ZFP1: variants seen among roughly 807,000 people sequenced by gnomAD.
ZFP1 encodes zinc finger protein 1 homolog.
In ZFP1, 32 loss-of-function variants were observed where a neutral mutation model predicts 38.5. The ratio of observed to expected loss-of-function variants is 0.83; its 90% CI spans 0.63 to 1.12. The LOEUF (loss-of-function observed/expected upper bound fraction) is 1.12. ZFP1 is among the 50% of genes most tolerant of loss of function. The pLI, the probability that ZFP1 is intolerant of heterozygous loss-of-function variation, is 0.00. For missense variants in ZFP1, 616 were observed against 480.8 expected, an observed-to-expected ratio of 1.28 and a Z score of -2.63; for synonymous variants, 245 against 168.8, an observed-to-expected ratio of 1.45 and a Z score of -3.50.
At chr16:75,131,425 T>C in the ZFP1 span, among the ~76,000 whole-genome samples, 1 of 152,198 alleles carries the variant, frequency 6.6e-6, no homozygotes, top group African/African-American at 2.4e-5. Context: ...GCTGCTGTTC[T>C]TGAAGCTAAT....
intron 2 of ZFP1, among the ~76,000 whole-genome samples, chr16:75,161,757 A>AAT (rs1338490455): frequency 0.014 from 204 of 14,290 alleles, 18 homozygotes; most frequent in Admixed American, 0.053. Context: ...AGTTTTATGA[A>AAT]ATATATATAT....
the ZFP1 span, among the ~76,000 whole-genome samples, chr16:75,136,179 G>A: frequency 0.13 from 19,651 of 152,148 alleles, 1,926 homozygotes; most frequent in East Asian, 0.54. Flanking sequence ...TGCAGATGGT[G>A]GCAAGAGAAT....
the ZFP1 span, chr16:75,119,441 G>A: frequency 6.6e-6 from 1 of 152,010 alleles, no homozygotes; most frequent in Non-Finnish European, 1.5e-5. Context: ...CACAAGGAAG[G>A]CAAATTTTTC....
Position 75,169,435 on chromosome 16 carries a change from T to G in ZFP1, c.325T>G (p.Tyr109Asp). 1.2e-6 allele frequency: 2 copies of G among 1,612,710 alleles called. No homozygotes were observed. Among genetic ancestry groups the G allele is most frequent in the Non-Finnish European group, 1.7e-6 (2 of 1,179,712 alleles). Residue 109 changes from tyrosine (Y) to aspartate (D), a missense_variant, in exon 4 of 4, where the codon TAT (tyrosine) becomes GAT (aspartate). Physicochemically the swap from Tyr to Asp is radical, Grantham distance 160. Coordinates refer to ENST00000570010, the MANE Select transcript of ZFP1 (RefSeq NM_153688.4). Reference sequence around the variant, plus strand: ...ACAAGTACCTTATAAATATGACTTATATGAAAAAACTTTGAAATATAATTC... The same window carrying G: ...ACAAGTACCTTATAAATATGACTTAGATGAAAAAACTTTGAAATATAATTC... ...LRQVPYKYDL[Y>D]EKTLKYNSDL...
intron 3 of ZFP1, 68 bp from the exon 4 acceptor site, chr16:75,169,185 C>A: frequency 6.6e-7 from 1 of 1,514,446 alleles, no homozygotes; most frequent in Non-Finnish European, 8.8e-7. Flanking sequence ...CGTGTGAAGA[C>A]TTCCCATTCG....
the ZFP1 span, among the ~76,000 whole-genome samples, chr16:75,140,795 T>C: frequency 1.3e-5 from 2 of 152,044 alleles, no homozygotes; most frequent in East Asian, 3.9e-4. Context: ...CCGTCTCTAC[T>C]AAAAATACAA....
At chr16:75,139,041 A>T in the ZFP1 span, among the ~76,000 whole-genome samples, 1 of 152,066 alleles carries the variant, frequency 6.6e-6, no homozygotes, top group African/African-American at 2.4e-5. Flanking sequence ...ATAGAAAAGC[A>T]TCCTACAAAA....
intron 2 of ZFP1, among the ~76,000 whole-genome samples, chr16:75,157,573 C>A (rs73617645): frequency 0.091 from 13,808 of 151,938 alleles, 1,169 homozygotes; most frequent in African/African-American, 0.22. Flanking sequence ...TGATTGATAG[C>A]TAGGTATGAA....
chr16:75,133,504 T>A, the ZFP1 span, among the ~76,000 whole-genome samples: 1 of 152,188 alleles, frequency 6.6e-6, no homozygotes, highest in African/African-American at 2.4e-5. Flanking sequence ...CTCCCACTTA[T>A]AAGTGAGAAC....
At chr16:75,166,506 G>A in intron 2 of ZFP1, 3 of 982,522 alleles carry the variant, frequency 3.1e-6, no homozygotes, top group Non-Finnish European at 3.6e-6. Flanking sequence ...TGGGATTACA[G>A]GTGTGAGCCA....
At chr16:75,146,545 A>G (rs2036947090), upstream of ZFP1, among the ~76,000 whole-genome samples, 1 of 152,198 alleles carries the variant, frequency 6.6e-6, no homozygotes, top group Non-Finnish European at 1.5e-5. Context: ...GAGCAGCTTT[A>G]TTCATAGTTG....
chr16:75,134,688 T>C, the ZFP1 span, among the ~76,000 whole-genome samples: 2 of 148,512 alleles, frequency 1.3e-5, no homozygotes, highest in East Asian at 2.0e-4. Context: ...GAGGCAGAGC[T>C]TGCAGTGAGC....
chr16:75,169,064 A>G (rs1406899904), intron 3 of ZFP1, among the ~76,000 whole-genome samples, 189 bp from the exon 4 acceptor site: 1 of 152,186 alleles, frequency 6.6e-6, no homozygotes, highest in East Asian at 1.9e-4. Context: ...TTTTTTAACC[A>G]CAAGCTATTA....
the ZFP1 span, among the ~76,000 whole-genome samples, chr16:75,119,794 T>C: frequency 6.6e-6 from 1 of 152,074 alleles, no homozygotes; most frequent in Non-Finnish European, 1.5e-5. Context: ...CTTGATCAAA[T>C]ACAAAGGAAG....
At chr16:75,140,446 A>G in the ZFP1 span, among the ~76,000 whole-genome samples, 4 of 151,652 alleles carry the variant, frequency 2.6e-5, no homozygotes, top group South Asian at 4.2e-4. Flanking sequence ...TGTCCCCTCA[A>G]CTCCTGCTAT....
Position 75,170,098 on chromosome 16 carries a change from G to A in ZFP1, c.988G>A (p.Gly330Arg). The A allele has an allele frequency of 6.2e-7, 1 of 1,614,030 alleles. No individual in the cohort carries two copies. Among genetic ancestry groups the A allele is most frequent in the Non-Finnish European group, 8.5e-7 (1 of 1,179,960 alleles). Residue 330 changes from glycine (G) to arginine (R), a missense_variant, in exon 4 of 4, where the codon GGA (glycine) becomes AGA (arginine). Physicochemically the swap from Gly to Arg is moderately radical, Grantham distance 125. Transcript: ENST00000570010. Reference sequence around the variant, plus strand: ...GAAACGCTATGAGTGCAGTGAATGTGGAAAATCCTTTATCCAGAACTCACA... The same window carrying A: ...GAAACGCTATGAGTGCAGTGAATGTAGAAAATCCTTTATCCAGAACTCACA... ...GEKRYECSEC[G>R]KSFIQNSQLI...
intron 3 of ZFP1, 69 bp downstream of exon 3, chr16:75,166,965 A>G: frequency 6.5e-7 from 1 of 1,547,866 alleles, no homozygotes; most frequent in Non-Finnish European, 8.7e-7. Context: ...CAGTGACCAG[A>G]AATGAGCTTC....
chr16:75,164,642 A>G (rs1015656168), intron 2 of ZFP1, among the ~76,000 whole-genome samples: 1 of 152,158 alleles, frequency 6.6e-6, no homozygotes, highest in Admixed American at 6.5e-5. Flanking sequence ...GGGGGTGTCA[A>G]ACTCTGGCTC....
the ZFP1 span, among the ~76,000 whole-genome samples, chr16:75,137,366 C>G: frequency 4.2e-3 from 641 of 150,876 alleles, 5 homozygotes; most frequent in African/African-American, 0.014. Flanking sequence ...AATTTCAGCA[C>G]TTTGGGAGGC....
Sources: gnomAD v4.1 joint callset for allele counts (sites outside exome capture counted in the v4.1 genomes callset) on GRCh38, gnomAD v4.1.1 for gene constraint, MANE v1.5 for transcripts, NCBI Gene and HGNC (gene_info 2026-07-23, HGNC 2026-07-21) for gene names.